Variants in COL5A1 observed in about 807,000 individuals in gnomAD.
COL5A1 encodes the protein collagen type V alpha 1 chain, also known as collagen alpha-1(V) chain.
Under a neutral mutation model 263.7 loss-of-function variants are expected in COL5A1, and 16 were observed. The ratio of observed to expected loss-of-function variants is 0.06; its 90% CI spans 0.04 to 0.09. COL5A1 has a LOEUF of 0.09. Among genes scored for constraint, COL5A1 ranks in the 10% least tolerant of loss-of-function variants. COL5A1 has a pLI of 1.00. For synonymous variants in COL5A1, 1,012 were observed against 1,004.5 expected, an observed-to-expected ratio of 1.01 and a Z score of -0.14; for missense variants, 2,036 against 2,540.5, an observed-to-expected ratio of 0.80 and a Z score of 4.27.
chr9:134,802,156 C>T (rs535626229), intron 38 of COL5A1, 149 bp downstream of exon 38: 8 of 808,382 alleles, frequency 9.9e-6, no homozygotes, highest in African/African-American at 8.4e-5. Flanking sequence ...TGTTGGTCAG[C>T]GTGAGGCTCG....
At position 134,789,808 on chromosome 9, in the gene COL5A1, C is replaced by T. The variant is rs187646298; in HGVS notation, c.2700+600C>T. Among the ~76,000 whole-genome samples, 20 of 152,326 alleles carry T rather than the reference C, an allele frequency of 1.3e-4. No individual in the cohort carries two copies. The East Asian group carries it at 3.7e-3, about 28-fold the overall frequency. On this transcript the variant is annotated intron_variant, in intron 32 of 65. Transcript: ENST00000371817. This position sits in a 1 kb window ranked among gnomAD's most constrained non-coding sequence, Gnocchi z 4.8. ...CTGGAGCCCCCGCTGGCCCAGGCCT[C>T]CCTGCAGGAGCGGTCCTGGATGCTT...
chr9:134,654,098 G>C (rs1831800176), intron 1 of COL5A1, among the ~76,000 whole-genome samples: 1 of 143,338 alleles, frequency 7.0e-6, no homozygotes. Flanking sequence ...GGGTGTGTAG[G>C]ACTGGGAGTG....
intron 25 of COL5A1, among the ~76,000 whole-genome samples, chr9:134,770,822 C>T (rs74343243): frequency 0.031 from 4,656 of 152,314 alleles, 196 homozygotes; most frequent in East Asian, 0.095. Context: ...CGGCCCTGCC[C>T]GGCTTTGCAG....
At chr9:134,796,477 C>CT in intron 35 of COL5A1, 59 bp downstream of exon 35, 1 of 1,558,284 alleles carries the variant, frequency 6.4e-7, no homozygotes, top group Non-Finnish European at 8.9e-7. Context: ...CGAATGCCCC[C>CT]TGCACTTTGT....
intron 32 of COL5A1, among the ~76,000 whole-genome samples, chr9:134,790,823 A>G (rs137907488): frequency 4.6e-5 from 7 of 151,982 alleles, no homozygotes; most frequent in African/African-American, 1.7e-4. Context: ...AATGTGAGGT[A>G]CCCCGGTGGG....
Position 134,809,072 on chromosome 9 carries a change from C to T in COL5A1, c.3367-111C>T, listed in dbSNP as rs1291354226. Reference sequence around the variant, plus strand: ...CATTAGGACTGTGGGGACGGTCACCCTCACCAACTCCCACTTCCTGCCAGC... The same window carrying T: ...CATTAGGACTGTGGGGACGGTCACCTTCACCAACTCCCACTTCCTGCCAGC... On this transcript the variant is annotated intron_variant, in intron 42 of 65. Coordinates refer to ENST00000371817, the MANE Select transcript of COL5A1 (RefSeq NM_000093.5). 6.2e-6 allele frequency: 6 copies of T among 974,030 alleles called. No homozygotes were observed. In the Admixed American group the frequency reaches 1.2e-4, roughly 19 times the overall value. The allele number at this position is 974,030 out of a possible 1,614,324, so 60.3% of individuals were successfully genotyped here.
At position 134,796,838 on chromosome 9, in the gene COL5A1, C is replaced by G; in HGVS notation, c.2845-10C>G. Reference sequence around the variant, plus strand: ...CTCTTGTCCTCAAACTGGCCTTTCTCTGTTCCCAGGGACCCAATGGACCCC... The same window carrying G: ...CTCTTGTCCTCAAACTGGCCTTTCTGTGTTCCCAGGGACCCAATGGACCCC... On this transcript the variant is annotated splice_polypyrimidine_tract_variant and intron_variant, in intron 35 of 65. Transcript: ENST00000371817. 1.2e-6 allele frequency: 2 copies of G among 1,614,140 alleles called. No homozygotes were observed. The highest frequency in any genetic ancestry group is 2.2e-5 in the East Asian group (1 of 44,888).
intron 42 of COL5A1, 26 bp downstream of exon 42, chr9:134,806,322 G>T (rs374771579): frequency 4.4e-5 from 66 of 1,488,958 alleles, no homozygotes; most frequent in African/African-American, 1.4e-5. Context: ...GATTGGGGGA[G>T]CCCTTCCCTC....
chr9:134,786,938 T>G (rs1297174888), intron 31 of COL5A1, among the ~76,000 whole-genome samples: 1 of 152,216 alleles, frequency 6.6e-6, no homozygotes, highest in Non-Finnish European at 1.5e-5. Flanking sequence ...CCATTCTCAT[T>G]AAGGAAATGC....
chr9:134,728,799 G>A lies in COL5A1; in HGVS notation c.916G>A (p.Val306Ile). The A allele has an allele frequency of 6.2e-7, 1 of 1,614,154 alleles. No individual in the cohort carries two copies. Among genetic ancestry groups the A allele is most frequent in the Non-Finnish European group, 8.5e-7 (1 of 1,180,036 alleles). Residue 306 changes from valine to isoleucine, a missense_variant, in exon 6 of 66, where the codon GTC (valine) becomes ATC (isoleucine). Val to Ile is a conservative substitution (Grantham distance 29). Coordinates refer to ENST00000371817, the MANE Select transcript of COL5A1 (RefSeq NM_000093.5). The part of the protein sequence containing the change: ...PVEAAKETTE[V>I]PEELTPTPTE... Reference sequence around the variant, plus strand: ...GGAAGCTGCCAAAGAAACCACAGAGGTCCCCGAGGTCTGGGCTGAGCGGGG... The same window carrying A: ...GGAAGCTGCCAAAGAAACCACAGAGATCCCCGAGGTCTGGGCTGAGCGGGG...
chr9:134,673,417 G>A (rs1048258754), intron 1 of COL5A1, among the ~76,000 whole-genome samples: 1 of 146,438 alleles, frequency 6.8e-6, no homozygotes, highest in East Asian at 2.0e-4. Context: ...CCGAGATCAC[G>A]CCACTGCACT....
At chr9:134,752,251 C>T (rs1188028305) in intron 13 of COL5A1, among the ~76,000 whole-genome samples, 1 of 150,752 alleles carries the variant, frequency 6.6e-6, no homozygotes, top group Non-Finnish European at 1.5e-5. Context: ...AGGCTTATTT[C>T]TGACCTAGCC....
chr9:134,728,807 G>T lies in COL5A1; in HGVS notation c.924G>T (p.Glu308Asp). The T allele has an allele frequency of 6.2e-7, 1 of 1,614,136 alleles. No individual in the cohort carries two copies. Among genetic ancestry groups the T allele is most frequent in the Non-Finnish European group, 8.5e-7 (1 of 1,180,034 alleles). ...EAAKETTEVP[E>D]ELTPTPTEAA... ...CCAAAGAAACCACAGAGGTCCCCGAGGTCTGGGCTGAGCGGGGGACTGGGT... is the reference window on the plus strand; with the variant it reads ...CCAAAGAAACCACAGAGGTCCCCGATGTCTGGGCTGAGCGGGGGACTGGGT... Residue 308 changes from glutamate (E) to aspartate (D), a missense_variant and splice_region_variant, in exon 6 of 66, where the codon GAG becomes GAT. By Grantham distance (45) the Glu-to-Asp change is conservative. This residue lies in a region of COL5A1 where 600 missense variants were observed against 634.5 expected (regional missense o/e 0.95). Transcript: ENST00000371817.
Position 134,800,749 on chromosome 9 carries a change from C to CAAAAAAAAAAAAAAAA in COL5A1, c.2953-1196_2953-1181dup, listed in dbSNP as rs397951217. Among the ~76,000 whole-genome samples, 2 of 81,602 alleles carry CAAAAAAAAAAAAAAAA rather than the reference C, an allele frequency of 2.5e-5. 1 individual carries two copies. The highest frequency in any genetic ancestry group is 3.2e-4 in the Admixed American group (2 of 6,188). 53.5% of individuals were successfully genotyped at this position (81,602 alleles called of 152,430 possible). On this transcript the variant is annotated intron_variant, in intron 37 of 65. Transcript: ENST00000371817. ...AACAGGAGTGAAACTCTGTCTCAAA[C>CAAAAAAAAAAAAAAAA]AAAAAAAAAAAAAAAAAAAAAAAAG...
chr9:134,683,748 A>T (rs145434434), intron 1 of COL5A1, among the ~76,000 whole-genome samples: 66 of 152,176 alleles, frequency 4.3e-4, no homozygotes, highest in African/African-American at 1.5e-3. Flanking sequence ...GGCCCACCCC[A>T]CCTGAGAGTG....
intron 4 of COL5A1, among the ~76,000 whole-genome samples, chr9:134,707,887 C>T (rs1054676977): frequency 6.6e-6 from 1 of 152,178 alleles, no homozygotes; most frequent in Non-Finnish European, 1.5e-5. Flanking sequence ...AGCAGACTTC[C>T]CGGCACACAG....
At chr9:134,771,332 C>T (rs191425731) in intron 25 of COL5A1, among the ~76,000 whole-genome samples, 2 of 152,360 alleles carry the variant, frequency 1.3e-5, no homozygotes, top group East Asian at 3.9e-4. Context: ...CTCTAGTTGG[C>T]TCTGTTCAGG....
Position 134,699,463 on chromosome 9 carries a change from C to G in COL5A1, c.278-446C>G, listed in dbSNP as rs561021152. 2.0e-5 allele frequency among the ~76,000 whole-genome samples: 3 copies of G among 150,854 alleles called. No homozygotes were observed. In the South Asian group the frequency reaches 6.3e-4, roughly 32 times the overall value. ...CTCTCTCTGCTTCCTCCCTCCGTCT[C>G]TCTCCCTCCCTCCCCCTCCCTCCCT... On this transcript the variant is annotated intron_variant, in intron 2 of 65. Coordinates refer to ENST00000371817, the MANE Select transcript of COL5A1 (RefSeq NM_000093.5).
In COL5A1 at chr9:134,798,473, G is replaced by C; in HGVS notation, c.2952+12G>C. On this transcript the variant is annotated intron_variant, in intron 37 of 65. Coordinates refer to ENST00000371817, the MANE Select transcript of COL5A1 (RefSeq NM_000093.5). ...AGAGAGGCGAGACTGTGAGTATCGA[G>C]GGTGCTGGGGGACGTGGCTGGCTGG... is the stretch of plus-strand genomic sequence containing the variant. The C allele has an allele frequency of 1.9e-6, 3 of 1,613,820 alleles. No homozygotes were observed. The highest frequency in any genetic ancestry group is 2.5e-6 in the Non-Finnish European group (3 of 1,179,716).
Sources: gnomAD v4.1 joint callset for allele counts (sites outside exome capture counted in the v4.1 genomes callset) on GRCh38, gnomAD v4.1.1 for gene constraint, gnomAD v4.1.1 regional missense constraint, Gnocchi (gnomAD v3.1) non-coding constraint, MANE v1.5 for transcripts, NCBI Gene and HGNC (gene_info 2026-07-23, HGNC 2026-07-21) for gene names.